CYP2E1: variants seen among roughly 807,000 people sequenced by gnomAD.
CYP2E1 encodes the protein cytochrome P450 2E1.
In CYP2E1, 31 loss-of-function variants were observed where a neutral mutation model predicts 42.9. The ratio of observed to expected loss-of-function variants is 0.72; its 90% CI spans 0.54 to 0.98. CYP2E1 has a LOEUF of 0.98. CYP2E1 is among the 50% of genes least tolerant of loss of function. The pLI is 0.00. For missense variants in CYP2E1, 565 were observed against 633.2 expected, an observed-to-expected ratio of 0.89 and a Z score of 1.16; for synonymous variants, 244 against 248.9, an observed-to-expected ratio of 0.98 and a Z score of 0.19.
At chr10:133,535,586 G>T (rs924824910) in intron 6 of CYP2E1, among the ~76,000 whole-genome samples, 1 of 152,140 alleles carries the variant, frequency 6.6e-6, no homozygotes, top group Non-Finnish European at 1.5e-5. Flanking sequence ...TCTGCACTAG[G>T]GGAACCATGG....
At chr10:133,529,017 C>G (rs951232711) in intron 2 of CYP2E1, among the ~76,000 whole-genome samples, 6 of 152,214 alleles carry the variant, frequency 3.9e-5, no homozygotes, top group Non-Finnish European at 7.3e-5. Flanking sequence ...CCGAGGTCCC[C>G]TCACCCACGC....
intron 8 of CYP2E1, among the ~76,000 whole-genome samples, chr10:133,538,102 G>A (rs1167165377): frequency 1.3e-5 from 2 of 149,190 alleles, no homozygotes; most frequent in Non-Finnish European, 2.9e-5. Context: ...TGGGAATGAA[G>A]TGTTGTTGTA....
At chr10:133,534,039 CTG>C in intron 6 of CYP2E1, 142 bp downstream of exon 6, 1 of 896,168 alleles carries the variant, frequency 1.1e-6, no homozygotes, top group Non-Finnish European at 1.7e-6. Context: ...AGATGCACTG[CTG>C]TGAGGGGAGG....
At chr10:133,538,510 G>A (rs1291818095) in intron 8 of CYP2E1, among the ~76,000 whole-genome samples, 1 of 152,110 alleles carries the variant, frequency 6.6e-6, no homozygotes, top group African/African-American at 2.4e-5. Context: ...GGGCAGACAC[G>A]GTCTTCCCAA....
rs760246416 is a variant in CYP2E1 at position 133,533,918 on chromosome 10, A to T, written c.967+21A>T. ...CGAAGGTAGGCAAGTGACTGAAGGG[A>T]CACCGTGCGTGCGGCTGCATCTCCC... is the stretch of plus-strand genomic sequence containing the variant. On this transcript the variant is annotated intron_variant, in intron 6 of 8. Coordinates refer to ENST00000252945, the MANE Select transcript of CYP2E1 (RefSeq NM_000773.4). 2.5e-6 allele frequency: 4 copies of T among 1,613,460 alleles called. No homozygotes were observed. In the African/African-American group the frequency reaches 4.0e-5, roughly 16 times the overall value.
In CYP2E1 at chr10:133,531,828, G is replaced by A. The variant is rs1851341445; in HGVS notation, c.487+94G>A. ...ACTCCTAGACTGCATCTGAACCACA[G>A]GGACCTACGGACAAGGAGAGGGTCT... On this transcript the variant is annotated intron_variant, in intron 3 of 8. Coordinates refer to ENST00000252945, the MANE Select transcript of CYP2E1 (RefSeq NM_000773.4). The A allele has an allele frequency of 4.6e-6, 6 of 1,304,814 alleles. No homozygotes were observed. The South Asian group carries it at 7.4e-5, about 16-fold the overall frequency. 80.8% of individuals were successfully genotyped at this position (1,304,814 alleles called of 1,614,324 possible).
intron 6 of CYP2E1, 119 bp downstream of exon 6, chr10:133,534,016 T>C (rs747353811): frequency 9.0e-7 from 1 of 1,110,774 alleles, no homozygotes; most frequent in Non-Finnish European, 1.3e-6. Flanking sequence ...CATGGTGATG[T>C]GGTGAGATGG....
intron 3 of CYP2E1, 102 bp downstream of exon 3, chr10:133,531,836 C>G (rs2070674): frequency 1.6e-6 from 2 of 1,253,080 alleles, no homozygotes; most frequent in Admixed American, 5.3e-5. Context: ...CAGGGACCTA[C>G]GGACAAGGAG....
intron 7 of CYP2E1, 60 bp downstream of exon 7, chr10:133,537,310 C>T: frequency 6.4e-7 from 1 of 1,560,742 alleles, no homozygotes; most frequent in Non-Finnish European, 8.7e-7. Flanking sequence ...AATCGCCTTC[C>T]TGCCAGGGAG....
Position 133,533,851 on chromosome 10 carries a change from T to G in CYP2E1, c.921T>G (p.Thr307=), listed in dbSNP as rs1589955430. The part of the protein sequence containing the change: ...FFAGTETTST[T]LRYGLLILMK... Reference sequence around the variant, plus strand: ...CGGGGACAGAGACCACCAGCACAACTCTGAGATATGGGCTCCTGATTCTCA... The same window carrying G: ...CGGGGACAGAGACCACCAGCACAACGCTGAGATATGGGCTCCTGATTCTCA... The change falls in exon 6 of 9, where the codon ACT becomes ACG. Residue 307 remains threonine (T), a synonymous_variant. Transcript: ENST00000252945. 39 of 1,614,116 alleles carry G rather than the reference T, an allele frequency of 2.4e-5. No individual in the cohort carries two copies. The highest frequency in any genetic ancestry group is 3.2e-5 in the Non-Finnish European group (38 of 1,179,992).
Position 133,527,372 on chromosome 10 carries a change from TGGCAGCAGGGCCCC to T in CYP2E1, c.-23_-10del. 1.9e-6 allele frequency: 3 copies of T among 1,584,700 alleles called. No homozygotes were observed. Among genetic ancestry groups the T allele is most frequent in the Non-Finnish European group, 2.6e-6 (3 of 1,162,602 alleles). ...GTTTCCACAGGATTGTCTCCCGGGC[TGGCAGCAGGGCCCC>T]AGCGGCACCATGTCTGCCCTCGGAG... is the stretch of plus-strand genomic sequence containing the variant. On this transcript the variant is annotated 5_prime_UTR_variant, in exon 1 of 9. Coordinates refer to ENST00000252945, the MANE Select transcript of CYP2E1 (RefSeq NM_000773.4).
chr10:133,537,418 G>A, intron 7 of CYP2E1, 168 bp downstream of exon 7: 1 of 673,198 alleles, frequency 1.5e-6, no homozygotes, highest in Non-Finnish European at 2.5e-6. Context: ...CTCCAGGAGT[G>A]CTCACATTGG....
chr10:133,534,027 C>T (rs1851370546), intron 6 of CYP2E1, 130 bp downstream of exon 6: 2 of 1,001,978 alleles, frequency 2.0e-6, no homozygotes, highest in Admixed American at 4.4e-5. Flanking sequence ...GGTGAGATGG[C>T]TAGATGCACT....
intron 4 of CYP2E1, among the ~76,000 whole-genome samples, 188 bp downstream of exon 4, chr10:133,532,472 C>T (rs1851350661): frequency 6.6e-6 from 1 of 152,086 alleles, no homozygotes; most frequent in Non-Finnish European, 1.5e-5. Context: ...ACCCCCTTTC[C>T]TAACGTCAGG....
intron 2 of CYP2E1, 94 bp downstream of exon 2, chr10:133,528,734 A>G (rs1851302720): frequency 1.4e-6 from 2 of 1,405,598 alleles, no homozygotes; most frequent in Non-Finnish European, 2.0e-6. Context: ...CAAATAATAA[A>G]CTAACAGTAA....
intron 6 of CYP2E1, among the ~76,000 whole-genome samples, chr10:133,536,402 TGGATGGACGGAC>T (rs1254348647): frequency 2.0e-5 from 3 of 147,538 alleles, no homozygotes; most frequent in Middle Eastern, 3.3e-3. Context: ...GATGGGTGGG[TGGATGGACGGAC>T]GGATGGATGG....
At chr10:133,534,499 G>A (rs1191331783) in intron 6 of CYP2E1, among the ~76,000 whole-genome samples, 5 of 152,204 alleles carry the variant, frequency 3.3e-5, no homozygotes, top group African/African-American at 7.2e-5. Context: ...TCTGGGCCAA[G>A]TAGAGGTGAT....
Position 133,538,768 on chromosome 10 carries a change from T to C in CYP2E1, c.1298-12T>C. ...TCCCTCAGTGTCTCATCAATACCAT[T>C]GTTACTTCTAGGAAAACGAGTGTGT... On this transcript the variant is annotated splice_polypyrimidine_tract_variant and intron_variant, in intron 8 of 8. Transcript: ENST00000252945. The C allele has an allele frequency of 6.2e-7, 1 of 1,612,376 alleles. No individual in the cohort carries two copies. The highest frequency in any genetic ancestry group is 8.5e-7 in the Non-Finnish European group (1 of 1,178,784).
Position 133,532,993 on chromosome 10 carries a change from A to C in CYP2E1, c.825+125A>C, listed in dbSNP as rs1351193983. On this transcript the variant is annotated intron_variant, in intron 5 of 8. Coordinates refer to ENST00000252945, the MANE Select transcript of CYP2E1 (RefSeq NM_000773.4). ...CCCACCGCAGCATGCTCTGAGTTTCATACACACACTCTTGGCTTCAGCATG... is the reference window on the plus strand; with the variant it reads ...CCCACCGCAGCATGCTCTGAGTTTCCTACACACACTCTTGGCTTCAGCATG... The C allele has an allele frequency of 5.6e-6, 5 of 888,200 alleles. No homozygotes were observed. In the East Asian group the frequency reaches 1.4e-4, roughly 25 times the overall value. The allele number at this position is 888,200 out of a possible 1,614,324, so 55.0% of individuals were successfully genotyped here. A position where few individuals can be genotyped will look rare whatever the true frequency, so the allele number is the denominator to read the frequency against.
Sources: allele counts gnomAD v4.1 joint callset (sites outside exome capture counted in the v4.1 genomes callset), GRCh38; gene constraint gnomAD v4.1.1; transcripts MANE v1.5; gene names NCBI Gene and HGNC (gene_info 2026-07-23, HGNC 2026-07-21).